The following TYK2 variants were observed in gnomAD, a reference collection of about 807,000 sequenced individuals.
TYK2 encodes non-receptor tyrosine-protein kinase TYK2.
A neutral mutation model predicts 130.9 loss-of-function variants in TYK2; 65 were observed. The ratio of observed to expected loss-of-function variants is 0.50; its 90% CI spans 0.41 to 0.61. The LOEUF is 0.61. TYK2 is among the 20% of genes least tolerant of loss of function. TYK2 has a pLI of 0.00. For missense variants in TYK2, 1,378 were observed against 1,610.7 expected (o/e 0.86, Z 2.47); for synonymous variants, 647 against 658.9 (o/e 0.98, Z 0.28).
In TYK2 at chr19:10,356,670, G is replaced by C. The variant is rs373150366; in HGVS notation, c.2515C>G (p.Pro839Ala). The change falls in exon 18 of 25, where the codon CCA becomes GCA. Residue 839 changes from proline (P) to alanine (A), a missense_variant. Transcript: ENST00000525621. ...TGGCTGGTGAGTGTGGCCAGCTGTG[G>C]GCAGGAGGGCTCGGGCAGCCGGTGC... Reference protein sequence around the residue: ...RQHRLPEPSCPQLATLTSQCL... With the variant: ...RQHRLPEPSCAQLATLTSQCL... 4.3e-6 allele frequency: 7 copies of C among 1,612,444 alleles called. No individual in the cohort carries two copies. The African/African-American group carries it at 9.3e-5, about 22-fold the overall frequency.
At chr19:10,374,278 A>G (rs950750223) in intron 3 of TYK2, among the ~76,000 whole-genome samples, 6 of 150,512 alleles carry the variant, frequency 4.0e-5, no homozygotes, top group Admixed American at 2.7e-4. Context: ...ACAACACAAC[A>G]AAACAAAACA....
chr19:10,373,715 C>A (rs775370944), intron 3 of TYK2, among the ~76,000 whole-genome samples: 3 of 152,100 alleles, frequency 2.0e-5, no homozygotes. Flanking sequence ...TGGCTTAAAC[C>A]TTCCATGGCT....
rs1452814908 is a variant in TYK2 at position 10,365,509 on chromosome 19, T to A, written c.1011+8A>T. On this transcript the variant is annotated splice_region_variant and intron_variant, in intron 7 of 24. Coordinates refer to ENST00000525621, the MANE Select transcript of TYK2 (RefSeq NM_003331.5). ...GAACCCCCAGGGCGGAAGGGGCGCC[T>A]TGCTCACCTCCTCCTTGTTCACCTC... The A allele has an allele frequency of 6.2e-7, 1 of 1,613,742 alleles. No homozygotes were observed. Among genetic ancestry groups the A allele is most frequent in the South Asian group, 1.1e-5 (1 of 91,076 alleles).
chr19:10,363,521 G>A (rs2041510974), intron 9 of TYK2, among the ~76,000 whole-genome samples: 1 of 152,060 alleles, frequency 6.6e-6, no homozygotes, highest in Non-Finnish European at 1.5e-5. Context: ...GCCCTGACAA[G>A]GTGACACACA....
chr19:10,365,319 ACCCCAGAAATAAGGT>A, intron 7 of TYK2, among the ~76,000 whole-genome samples, 183 bp downstream of exon 7: 1 of 152,204 alleles, frequency 6.6e-6, no homozygotes, highest in East Asian at 1.9e-4. Flanking sequence ...GGAGGTGCAG[ACCCCAGAAATAAGGT>A]CCCCAGGGGG....
chr19:10,368,159 C>T lies in TYK2; in HGVS notation c.361G>A (p.Ala121Thr), dbSNP rs779331912. 2 of 1,613,998 alleles carry T rather than the reference C, an allele frequency of 1.2e-6. No homozygotes were observed. Among genetic ancestry groups the T allele is most frequent in the African/African-American group, 2.7e-5 (2 of 74,924 alleles). ...NWHGMNPREP[A>T]VYRCGPPGTE... is the part of the protein sequence containing the mutation. Reference sequence around the variant, plus strand: ...CCTGGGGGCCCACAACGGTACACAGCCGGTTCCCGAGGATTCATGCCATGC... The same window carrying T: ...CCTGGGGGCCCACAACGGTACACAGTCGGTTCCCGAGGATTCATGCCATGC... Residue 121 changes from alanine to threonine, a missense_variant, in exon 5 of 25, where the codon GCT becomes ACT. Transcript: ENST00000525621.
At chr19:10,362,213 G>C (rs1257926713) in intron 11 of TYK2, 32 bp from the exon 12 acceptor site, 1 of 1,613,720 alleles carries the variant, frequency 6.2e-7, no homozygotes, top group African/African-American at 1.3e-5. Context: ...TGGAGGGCGG[G>C]CCTGGGGGAG....
At chr19:10,358,894 C>G (rs1349290480) in intron 15 of TYK2, among the ~76,000 whole-genome samples, 1 of 152,038 alleles carries the variant, frequency 6.6e-6, no homozygotes, top group Non-Finnish European at 1.5e-5. Context: ...GAAACCCCAT[C>G]TCTACTAAAA....
intron 7 of TYK2, 36 bp downstream of exon 7, chr19:10,365,481 C>A: frequency 6.2e-7 from 1 of 1,611,836 alleles, no homozygotes; most frequent in Non-Finnish European, 8.5e-7. Context: ...CCCAGCCCAA[C>A]CTGAACCCCC....
In TYK2 at chr19:10,378,322, T is replaced by G. The variant is rs752684154; in HGVS notation, c.85A>C (p.Lys29Gln). 5.0e-6 allele frequency: 8 copies of G among 1,612,672 alleles called. No homozygotes were observed. In the Admixed American group the frequency reaches 1.3e-4, roughly 27 times the overall value. The change falls in exon 3 of 25, where the codon AAG becomes CAG. Residue 29 changes from lysine to glutamine, a missense_variant. Transcript: ENST00000525621. ...AQPMAAMGGL[K>Q]VLLHWAGPGG... ...GGACCAGCCCAGTGCAGAAGCACCTTCAGGCCTCCCATGGCAGCCATGGGC... is the reference window on the plus strand; with the variant it reads ...GGACCAGCCCAGTGCAGAAGCACCTGCAGGCCTCCCATGGCAGCCATGGGC...
At chr19:10,356,524 C>T in intron 18 of TYK2, 44 bp downstream of exon 18, 1 of 1,609,260 alleles carries the variant, frequency 6.2e-7, no homozygotes. Flanking sequence ...GGATCCCAGC[C>T]CCGTCCCACT....
chr19:10,353,579 C>T lies in TYK2; in HGVS notation c.2976G>A (p.Arg992=). 1.3e-6 allele frequency: 2 copies of T among 1,491,016 alleles called. No homozygotes were observed. The highest frequency in any genetic ancestry group is 1.4e-5 in the South Asian group (1 of 71,888). 92.4% of individuals were successfully genotyped at this position (1,491,016 alleles called of 1,614,324 possible). A position where few individuals can be genotyped will look rare whatever the true frequency, so the allele number is the denominator to read the frequency against. Residue 992 remains arginine (R), a synonymous_variant, in exon 21 of 25, where the codon CGG becomes CGA. Transcript: ENST00000525621. The surrounding 1 kb of genome is among the most constrained non-coding windows in gnomAD (Gnocchi z 6.9). ...PLGSLRDYLP[R]HSIGLAQLLL... ...GCAGCTGGGCCAGCCCGATGCTGTGCCGGGGCAGGTAGTCTCGGAGGCTGC... is the reference window on the plus strand; with the variant it reads ...GCAGCTGGGCCAGCCCGATGCTGTGTCGGGGCAGGTAGTCTCGGAGGCTGC...
At chr19:10,356,853 C>T (rs1215702757) in intron 17 of TYK2, 135 bp from the exon 18 acceptor site, 1 of 914,458 alleles carries the variant, frequency 1.1e-6, no homozygotes, top group African/African-American at 1.6e-5. Flanking sequence ...GATGAGGCAA[C>T]TGAGGCTCCA....
Position 10,364,984 on chromosome 19 carries a change from T to G in TYK2, c.1076A>C (p.His359Pro). Residue 359 changes from histidine to proline, a missense_variant, in exon 8 of 25, where the codon CAC becomes CCC. Transcript: ENST00000525621. The surrounding 1 kb of genome is among the most constrained non-coding windows in gnomAD (Gnocchi z 4.9). Reference sequence around the variant, plus strand: ...GTCTGCCGGCTGGCCGACTGCCTTGTGAGCCTTGGCCTTCTTCCCAAACAG... The same window carrying G: ...GTCTGCCGGCTGGCCGACTGCCTTGGGAGCCTTGGCCTTCTTCCCAAACAG... ...ASLFGKKAKA[H>P]KAVGQPADRP... 1 of 1,613,928 alleles carries G rather than the reference T, an allele frequency of 6.2e-7. No homozygotes were observed. Among genetic ancestry groups the G allele is most frequent in the South Asian group, 1.1e-5 (1 of 91,076 alleles).
At chr19:10,374,619 G>A (rs1232161380) in intron 3 of TYK2, among the ~76,000 whole-genome samples, 1 of 149,348 alleles carries the variant, frequency 6.7e-6, no homozygotes, top group African/African-American at 2.5e-5. Flanking sequence ...CGGGCACGGT[G>A]GCTCACACCT....
Position 10,364,865 on chromosome 19 carries a change from C to A in TYK2, c.1195G>T (p.Asp399Tyr). The A allele has an allele frequency of 6.2e-7, 1 of 1,614,150 alleles. No individual in the cohort carries two copies. Among genetic ancestry groups the A allele is most frequent in the Non-Finnish European group, 8.5e-7 (1 of 1,180,050 alleles). Reference protein sequence around the residue: ...KEHCVSIHRQDNKCLELSLPS... With the variant: ...KEHCVSIHRQYNKCLELSLPS... ...CTGGGCCTCACCAGGCACTTGTTGT[C>A]CTGCCGGTGGATGCTGACACAGTGC... Residue 399 changes from aspartate (D) to tyrosine (Y), a missense_variant, in exon 8 of 25, where the codon GAC becomes TAC. By Grantham distance (160) the Asp-to-Tyr change is radical (BLOSUM62 -3). Coordinates refer to ENST00000525621, the MANE Select transcript of TYK2 (RefSeq NM_003331.5). The surrounding 1 kb of genome is among the most constrained non-coding windows in gnomAD (Gnocchi z 4.9).
chr19:10,361,221 T>G lies in TYK2; in HGVS notation c.2047+290A>C. On this transcript the variant is annotated intron_variant, in intron 14 of 24. Transcript: ENST00000525621. This position sits in a 1 kb window ranked among gnomAD's most constrained non-coding sequence, Gnocchi z 4.0. ...GCAGATGGGGGCTGGACTGTAGAGG[T>G]TGTTTGGGAGGTTGATGGAAGTGGG... 1.8e-6 allele frequency: 1 copy of G among 569,378 alleles called. No individual in the cohort carries two copies. The allele number at this position is 569,378 out of a possible 1,614,324, so 35.3% of individuals were successfully genotyped here.
chr19:10,356,434 T>C, intron 18 of TYK2, 134 bp downstream of exon 18: 1 of 1,112,330 alleles, frequency 9.0e-7, no homozygotes, highest in Admixed American at 2.0e-5. Context: ...AGGGCATGCT[T>C]ATGAATGCCA....
chr19:10,352,736 A>G (rs937672335), intron 22 of TYK2, among the ~76,000 whole-genome samples, 185 bp from the exon 23 acceptor site: 1 of 151,820 alleles, frequency 6.6e-6, no homozygotes, highest in Non-Finnish European at 1.5e-5. Context: ...GGCCGGGTTA[A>G]CCCCGCCCAC....
Sources: gnomAD v4.1 joint callset for allele counts (sites outside exome capture counted in the v4.1 genomes callset) on GRCh38, gnomAD v4.1.1 for gene constraint, Gnocchi (gnomAD v3.1) non-coding constraint, MANE v1.5 for transcripts, NCBI Gene and HGNC (gene_info 2026-07-23, HGNC 2026-07-21) for gene names.